The following SLC9A9 variants were observed in gnomAD, a reference collection of about 807,000 sequenced individuals.
SLC9A9 encodes the protein solute carrier family 9 member A9.
In SLC9A9, 62 loss-of-function variants were observed where a neutral mutation model predicts 77.8. That is an observed-to-expected ratio of 0.80 (90% confidence interval 0.65 to 0.98). The LOEUF (loss-of-function observed/expected upper bound fraction) is 0.98. SLC9A9 is among the 50% of genes least tolerant of loss of function. SLC9A9 has a pLI of 0.00. For missense variants in SLC9A9, 775 were observed against 774.9 expected (o/e 1.00, Z 0.00); for synonymous variants, 320 against 283.5 (o/e 1.13, Z -1.29).
chr3:143,576,489 A>G (rs187642445), intron 7 of SLC9A9, among the ~76,000 whole-genome samples: 129 of 152,256 alleles, frequency 8.5e-4, no homozygotes, highest in African/African-American at 3.0e-3. Context: ...GGTTGATTCA[A>G]ATGAGGAGAT....
intron 6 of SLC9A9, among the ~76,000 whole-genome samples, chr3:143,607,837 A>G (rs1362291656): frequency 6.6e-6 from 1 of 151,804 alleles, no homozygotes; most frequent in Non-Finnish European, 1.5e-5. Context: ...ATATATATAA[A>G]TGTTTGGCAT....
intron 9 of SLC9A9, among the ~76,000 whole-genome samples, chr3:143,533,212 G>A (rs1032257989): frequency 6.6e-6 from 1 of 152,204 alleles, no homozygotes; most frequent in Non-Finnish European, 1.5e-5. Context: ...CTGCTCTCGT[G>A]GGGCTGACAT....
intron 9 of SLC9A9, among the ~76,000 whole-genome samples, chr3:143,509,538 A>G (rs2036079821): frequency 6.6e-6 from 1 of 152,188 alleles, no homozygotes; most frequent in Non-Finnish European, 1.5e-5. Context: ...ATAAATTATT[A>G]CAGTGTAAGA....
At chr3:143,820,745 C>T (rs2009144797) in intron 2 of SLC9A9, among the ~76,000 whole-genome samples, 1 of 152,140 alleles carries the variant, frequency 6.6e-6, no homozygotes, top group African/African-American at 2.4e-5. Context: ...AGCCATGCAT[C>T]CAAAACAATT....
At chr3:143,440,373 C>G (rs2034709231) in intron 12 of SLC9A9, among the ~76,000 whole-genome samples, 2 of 152,016 alleles carry the variant, frequency 1.3e-5, no homozygotes, top group Non-Finnish European at 2.9e-5. Context: ...GGGGAAACAC[C>G]CTATTCACTG....
At chr3:143,606,428 C>CTATATA (rs1473173290) in intron 6 of SLC9A9, among the ~76,000 whole-genome samples, 26 of 69,896 alleles carry the variant, frequency 3.7e-4, no homozygotes, top group South Asian at 1.0e-3. Context: ...CTCTCTCTCT[C>CTATATA]TCTCTCTCTA....
At chr3:143,622,430 T>C (rs2038234033) in intron 6 of SLC9A9, among the ~76,000 whole-genome samples, 1 of 152,154 alleles carries the variant, frequency 6.6e-6, no homozygotes, top group Non-Finnish European at 1.5e-5. Flanking sequence ...GCAGAAACTC[T>C]ACAAGCCAGA....
chr3:143,646,174 A>C (rs764361916), intron 6 of SLC9A9, among the ~76,000 whole-genome samples: 5 of 151,944 alleles, frequency 3.3e-5, no homozygotes, highest in Non-Finnish European at 7.4e-5. Context: ...AAATATATGC[A>C]AGCCAAAAGA....
intron 4 of SLC9A9, among the ~76,000 whole-genome samples, chr3:143,712,225 A>T (rs1197026319): frequency 6.6e-6 from 1 of 152,210 alleles, no homozygotes; most frequent in Non-Finnish European, 1.5e-5. Flanking sequence ...ATGGCCCAAC[A>T]GTTGATGATG....
intron 12 of SLC9A9, among the ~76,000 whole-genome samples, chr3:143,440,457 A>AG (rs142767963): frequency 2.6e-5 from 4 of 152,270 alleles, no homozygotes; most frequent in African/African-American, 9.6e-5. Flanking sequence ...GCCCCTAACT[A>AG]GGGGGACAAG....
At chr3:143,541,202 CA>C (rs894871501) in intron 9 of SLC9A9, among the ~76,000 whole-genome samples, 2 of 152,170 alleles carry the variant, frequency 1.3e-5, no homozygotes, top group Admixed American at 1.3e-4. Flanking sequence ...ACTAGTTAAT[CA>C]GAACCATTGC....
chr3:143,522,983 G>A (rs1226557180), intron 9 of SLC9A9, among the ~76,000 whole-genome samples: 1 of 152,034 alleles, frequency 6.6e-6, no homozygotes, highest in Non-Finnish European at 1.5e-5. Context: ...TTCTCATTAG[G>A]CCTTCGTGAT....
intron 4 of SLC9A9, among the ~76,000 whole-genome samples, chr3:143,771,870 C>T (rs2007531544): frequency 6.6e-6 from 1 of 152,064 alleles, no homozygotes; most frequent in Non-Finnish European, 1.5e-5. Context: ...ACATCTCATT[C>T]TTGAGGGGAT....
chr3:143,820,581 C>T (rs2009140538), intron 2 of SLC9A9, among the ~76,000 whole-genome samples: 2 of 152,120 alleles, frequency 1.3e-5, no homozygotes, highest in Admixed American at 6.5e-5. Context: ...GGGGGTTGCC[C>T]TACTACCCCT....
At chr3:143,369,920 T>C (rs1025991518) in intron 13 of SLC9A9, among the ~76,000 whole-genome samples, 1 of 152,212 alleles carries the variant, frequency 6.6e-6, no homozygotes, top group Admixed American at 6.5e-5. Context: ...AGGAATTAAG[T>C]ATGCCTGCCA....
At chr3:143,517,472 C>G (rs947260962) in intron 9 of SLC9A9, 1 of 1,597,706 alleles carries the variant, frequency 6.3e-7, no homozygotes, top group Non-Finnish European at 8.5e-7. Context: ...CTTCTTAACT[C>G]GTTCTGTTCT....
chr3:143,679,564 C>T (rs1351175611), intron 5 of SLC9A9, among the ~76,000 whole-genome samples: 1 of 152,188 alleles, frequency 6.6e-6, no homozygotes, highest in Non-Finnish European at 1.5e-5. Flanking sequence ...GTAGTGCATT[C>T]CCCCAGCTGT....
chr3:143,280,304 A>C (rs558859481), intron 14 of SLC9A9, among the ~76,000 whole-genome samples: 1 of 152,218 alleles, frequency 6.6e-6, no homozygotes, highest in East Asian at 1.9e-4. Context: ...TGTTGACTGT[A>C]ACCCATTGAG....
chr3:143,745,568 A>G (rs1164979910), intron 4 of SLC9A9, among the ~76,000 whole-genome samples: 2 of 152,232 alleles, frequency 1.3e-5, no homozygotes, highest in African/African-American at 4.8e-5. Context: ...TCTTAAGCCC[A>G]CTTAAAGTCT....
Sources: allele counts gnomAD v4.1 joint callset (sites outside exome capture counted in the v4.1 genomes callset), GRCh38; gene constraint gnomAD v4.1.1; transcripts MANE v1.5; gene names NCBI Gene and HGNC (gene_info 2026-07-23, HGNC 2026-07-21).